RNF114: variants seen among roughly 807,000 people sequenced by gnomAD.
RNF114 encodes the protein ring finger protein 114.
Under a neutral mutation model 28.4 loss-of-function variants are expected in RNF114, and 6 were observed. The observed-to-expected ratio is 0.21, with a 90% confidence interval of 0.12 to 0.42. The LOEUF (loss-of-function observed/expected upper bound fraction) is 0.42. Among genes scored for constraint, RNF114 ranks in the 10% least tolerant of loss-of-function variants. The pLI, the probability that RNF114 is intolerant of heterozygous loss-of-function variation, is 1.00. For synonymous variants in RNF114, 115 were observed against 116.7 expected, an observed-to-expected ratio of 0.99 and a Z score of 0.09; for missense variants, 249 against 311.7, an observed-to-expected ratio of 0.80 and a Z score of 1.51.
At chr20:49,947,178 CCA>C (rs1157500790) in intron 4 of RNF114, among the ~76,000 whole-genome samples, 1 of 142,918 alleles carries the variant, frequency 7.0e-6, no homozygotes, top group Non-Finnish European at 1.5e-5. Context: ...TGAGATCCTG[CCA>C]CTGCACTCTA....
At chr20:49,947,881 T>A (rs973448131) in intron 4 of RNF114, among the ~76,000 whole-genome samples, 3 of 135,714 alleles carry the variant, frequency 2.2e-5, no homozygotes, top group Non-Finnish European at 4.6e-5. Context: ...AAGCTCCGCC[T>A]CCCGGGTTCA....
intron 1 of RNF114, among the ~76,000 whole-genome samples, chr20:49,939,440 A>G (rs910177078): frequency 5.9e-5 from 9 of 151,534 alleles, no homozygotes; most frequent in African/African-American, 2.2e-4. Context: ...TTCATTATAT[A>G]TCTTTAGTTC....
At chr20:49,944,716 A>G (rs1000366401) in intron 2 of RNF114, 2 of 152,154 alleles carry the variant, frequency 1.3e-5, no homozygotes, top group Admixed American at 1.3e-4. Context: ...CTCCATCTCT[A>G]CTAAAAATAT....
chr20:49,942,828 A>G (rs76369235), intron 2 of RNF114, among the ~76,000 whole-genome samples: 2,382 of 151,914 alleles, frequency 0.016, 22 homozygotes, highest in Non-Finnish European at 0.025. Context: ...TGTCTCAAGG[A>G]AAAAAAAAGT....
intron 2 of RNF114, among the ~76,000 whole-genome samples, chr20:49,943,009 AC>A (rs2090313753): frequency 3.9e-5 from 1 of 25,916 alleles, no homozygotes; most frequent in East Asian, 1.4e-3. Context: ...TTTTTTTTCC[AC>A]TTTTCAGGTT....
Position 49,953,710 on chromosome 20 carries a change from C to T in RNF114, c.*1569C>T, listed in dbSNP as rs866656843. 1 of 152,132 alleles carries T rather than the reference C, an allele frequency of 6.6e-6. No individual in the cohort carries two copies. Among genetic ancestry groups the T allele is most frequent in the South Asian group, 2.1e-4 (1 of 4,822 alleles). 9.4% of individuals were successfully genotyped at this position (152,132 alleles called of 1,614,324 possible). A position where few individuals can be genotyped will look rare whatever the true frequency, so the allele number is the denominator to read the frequency against. Reference sequence around the variant, plus strand: ...CTGGAGGGAAATCTGGCGAAACCTTCGTTTGAGGGACTGATGTGAGTGTAT... The same window carrying T: ...CTGGAGGGAAATCTGGCGAAACCTTTGTTTGAGGGACTGATGTGAGTGTAT... On this transcript the variant is annotated 3_prime_UTR_variant, in exon 6 of 6. Transcript: ENST00000244061.
intron 1 of RNF114, among the ~76,000 whole-genome samples, chr20:49,938,922 G>T (rs1304319610): frequency 5.3e-5 from 8 of 152,226 alleles, no homozygotes; most frequent in Admixed American, 5.2e-4. Flanking sequence ...TTGTGAACAG[G>T]CAACACAAGT....
intron 5 of RNF114, among the ~76,000 whole-genome samples, chr20:49,951,779 TGAGGCAGGAGAATCACTTGAACCTGG>T (rs2090356126): frequency 6.6e-6 from 1 of 152,190 alleles, no homozygotes; most frequent in South Asian, 2.1e-4. Flanking sequence ...CTCGGGAGGC[TGAGGCAGGAGAATCACTTGAACCTGG>T]GAGGCAGAGG....
intron 1 of RNF114, among the ~76,000 whole-genome samples, chr20:49,937,655 G>A (rs2090292892): frequency 6.6e-6 from 1 of 152,182 alleles, no homozygotes; most frequent in Middle Eastern, 3.4e-3. Context: ...GTTGCTTTAG[G>A]CTATTCATCT....
intron 5 of RNF114, among the ~76,000 whole-genome samples, chr20:49,951,447 T>C (rs188054254): frequency 6.6e-6 from 1 of 152,298 alleles, no homozygotes. Context: ...GAAACAACTC[T>C]TCAGCTCAGT....
chr20:49,949,238 G>C lies in RNF114; in HGVS notation c.514-10G>C. 6.2e-7 allele frequency: 1 copy of C among 1,613,064 alleles called. No homozygotes were observed. Among genetic ancestry groups the C allele is most frequent in the Non-Finnish European group, 8.5e-7 (1 of 1,179,040 alleles). On this transcript the variant is annotated splice_polypyrimidine_tract_variant and intron_variant, in intron 4 of 5. Coordinates refer to ENST00000244061, the MANE Select transcript of RNF114 (RefSeq NM_018683.4). Reference sequence around the variant, plus strand: ...ATTGGGTGCCTAAGACCTTGCTTTTGTGTTGAAAGGTTTGTCCGATATGTG... The same window carrying C: ...ATTGGGTGCCTAAGACCTTGCTTTTCTGTTGAAAGGTTTGTCCGATATGTG...
chr20:49,949,148 A>C lies in RNF114; in HGVS notation c.514-100A>C, dbSNP rs942529249. On this transcript the variant is annotated intron_variant, in intron 4 of 5. Transcript: ENST00000244061. ...AGTTACTGGCCCTGGACAGTATGTCAGGAAAGCTGTCCTGGAAGAAAGGAG... is the reference window on the plus strand; with the variant it reads ...AGTTACTGGCCCTGGACAGTATGTCCGGAAAGCTGTCCTGGAAGAAAGGAG... 9 of 917,370 alleles carry C rather than the reference A, an allele frequency of 9.8e-6. No homozygotes were observed. The African/African-American group carries it at 1.5e-4, about 15-fold the overall frequency. The allele number at this position is 917,370 out of a possible 1,614,324, so 56.8% of individuals were successfully genotyped here.
rs71190519 is a variant in RNF114, at chr20:49,947,769, G to GT, written c.514-1439dup. 2.7e-3 allele frequency among the ~76,000 whole-genome samples: 138 copies of GT among 50,472 alleles called. 26 individuals are homozygous for GT. Among genetic ancestry groups the GT allele is most frequent in the Non-Finnish European group, 3.2e-3 (93 of 28,796 alleles). The allele number at this position is 50,472 out of a possible 152,430, so 33.1% of individuals were successfully genotyped here. On this transcript the variant is annotated intron_variant, in intron 4 of 5. Coordinates refer to ENST00000244061, the MANE Select transcript of RNF114 (RefSeq NM_018683.4). Reference sequence around the variant, plus strand: ...GTTCTGTCTTCCTCTCCCTCTGCAAGTTTTTTTTTTTTTTTTTTTTTTTTT... The same window carrying GT: ...GTTCTGTCTTCCTCTCCCTCTGCAAGTTTTTTTTTTTTTTTTTTTTTTTTTT...
intron 1 of RNF114, among the ~76,000 whole-genome samples, chr20:49,937,158 C>T (rs914565382): frequency 2.6e-5 from 4 of 152,132 alleles, no homozygotes. Flanking sequence ...GCCTTCATGA[C>T]CTGAATATTG....
chr20:49,945,546 G>GCTGGACACC lies in RNF114; in HGVS notation c.398+58_398+59insCTGGACACC, dbSNP rs11473738. 398 of 1,001,218 alleles carry GCTGGACACC rather than the reference G, an allele frequency of 4.0e-4. 1 individual carries two copies. The highest frequency in any genetic ancestry group is 5.4e-4 in the Admixed American group (31 of 57,338). 62.0% of individuals were successfully genotyped at this position (1,001,218 alleles called of 1,614,324 possible). Reference sequence around the variant, plus strand: ...CATCTCTTGCTATTAATACAAAGAGGTTGCATGCCCAGGGGTTTAGTTGTA... The same window carrying GCTGGACACC: ...CATCTCTTGCTATTAATACAAAGAGGCTGGACACCTTGCATGCCCAGGGGTTTAGTTGTA... On this transcript the variant is annotated intron_variant, in intron 3 of 5. Transcript: ENST00000244061.
intron 2 of RNF114, among the ~76,000 whole-genome samples, chr20:49,943,300 G>A (rs2090314713): frequency 6.6e-6 from 1 of 152,130 alleles, no homozygotes; most frequent in East Asian, 1.9e-4. Context: ...TTCGAAATCA[G>A]CCTGGGCAAC....
At chr20:49,941,516 G>T (rs200227027) in intron 1 of RNF114, 45 bp from the exon 2 acceptor site, 24 of 1,525,782 alleles carry the variant, frequency 1.6e-5, no homozygotes, top group Admixed American at 6.8e-5. Flanking sequence ...TTGTCGTCTT[G>T]TCTCCATGAT....
At chr20:49,950,295 T>C (rs1283993617) in intron 5 of RNF114, among the ~76,000 whole-genome samples, 5 of 151,574 alleles carry the variant, frequency 3.3e-5, no homozygotes, top group African/African-American at 9.7e-5. Flanking sequence ...ACAGAGACAG[T>C]GATACTTGCT....
In RNF114 at chr20:49,952,580, T is replaced by C. The variant is rs1386273175; in HGVS notation, c.*439T>C. On this transcript the variant is annotated 3_prime_UTR_variant, in exon 6 of 6. Coordinates refer to ENST00000244061, the MANE Select transcript of RNF114 (RefSeq NM_018683.4). The stretch of plus-strand genomic sequence containing the variant: ...TTCCTTGTCCCCAAGGTGTGCAGAC[T>C]TTGGCAGCCGTGCACCTGACCAGAG... 4.0e-6 allele frequency: 1 copy of C among 253,094 alleles called. No homozygotes were observed. Among genetic ancestry groups the C allele is most frequent in the Non-Finnish European group, 7.5e-6 (1 of 132,498 alleles). The allele number at this position is 253,094 out of a possible 1,614,324, so 15.7% of individuals were successfully genotyped here. A position where few individuals can be genotyped will look rare whatever the true frequency, so the allele number is the denominator to read the frequency against.
Sources: allele counts gnomAD v4.1 joint callset (sites outside exome capture counted in the v4.1 genomes callset), GRCh38; gene constraint gnomAD v4.1.1; transcripts MANE v1.5; gene names NCBI Gene and HGNC (gene_info 2026-07-23, HGNC 2026-07-21).